REDIC1: variants seen among roughly 807,000 people sequenced by gnomAD.
The protein encoded by REDIC1 is regulator of DNA class I crossover intermediates 1.
chr12:39,864,117 CATTT>C, the REDIC1 span, among the ~76,000 whole-genome samples: 1 of 152,182 alleles, frequency 6.6e-6, no homozygotes, highest in South Asian at 2.1e-4. Flanking sequence ...CTCAAAGTTT[CATTT>C]ATGTGTTCTC....
chr12:39,824,988 T>A, the REDIC1 span, among the ~76,000 whole-genome samples: 3 of 152,092 alleles, frequency 2.0e-5, no homozygotes, highest in South Asian at 2.1e-4. Context: ...AGAATCTGTG[T>A]GGGAGAGTGG....
chr12:39,769,125 A>G, the REDIC1 span, among the ~76,000 whole-genome samples: 1 of 152,070 alleles, frequency 6.6e-6, no homozygotes, highest in East Asian at 1.9e-4. Flanking sequence ...ATTTTATCTC[A>G]GTTGGTTCCC....
chr12:39,782,601 G>T, the REDIC1 span, among the ~76,000 whole-genome samples: 1 of 152,070 alleles, frequency 6.6e-6, no homozygotes, highest in Non-Finnish European at 1.5e-5. Flanking sequence ...ACAGTAAATT[G>T]GTACAAGTAG....
chr12:39,688,413 G>C, the REDIC1 span, among the ~76,000 whole-genome samples: 908 of 152,256 alleles, frequency 6.0e-3, 8 homozygotes, highest in African/African-American at 0.021. Context: ...GATATACTAA[G>C]ATGTCAGAGT....
At chr12:39,628,257 G>A in the REDIC1 span, among the ~76,000 whole-genome samples, 1 of 152,154 alleles carries the variant, frequency 6.6e-6, no homozygotes, top group South Asian at 2.1e-4. Flanking sequence ...TTTATGTGGC[G>A]GGATAGGCTT....
At chr12:39,713,610 A>G in the REDIC1 span, among the ~76,000 whole-genome samples, 1 of 149,152 alleles carries the variant, frequency 6.7e-6, no homozygotes, top group Non-Finnish European at 1.5e-5. Context: ...ATATATACAT[A>G]TGTATATACG....
At chr12:39,792,277 A>G in the REDIC1 span, among the ~76,000 whole-genome samples, 2 of 147,868 alleles carry the variant, frequency 1.4e-5, no homozygotes, top group Non-Finnish European at 3.0e-5. Flanking sequence ...AAACCCTAGA[A>G]GAAAACCTAG....
chr12:39,711,466 T>TATGTGTATAC, the REDIC1 span, among the ~76,000 whole-genome samples: 1 of 143,900 alleles, frequency 6.9e-6, no homozygotes, highest in African/African-American at 2.5e-5. Flanking sequence ...CATATACACA[T>TATGTGTATAC]ACATATATGT....
the REDIC1 span, among the ~76,000 whole-genome samples, chr12:39,718,199 G>A: frequency 1.3e-5 from 2 of 151,954 alleles, no homozygotes; most frequent in Non-Finnish European, 2.9e-5. Context: ...CCATCGCATT[G>A]ACCATCCTTT....
the REDIC1 span, among the ~76,000 whole-genome samples, chr12:39,663,765 G>A: frequency 1.3e-5 from 2 of 149,590 alleles, no homozygotes; most frequent in Non-Finnish European, 3.0e-5. Flanking sequence ...ATACTTTCAT[G>A]CATTTTCGTT....
chr12:39,629,565 A>G, the REDIC1 span, among the ~76,000 whole-genome samples: 3 of 152,200 alleles, frequency 2.0e-5, no homozygotes, highest in Non-Finnish European at 2.9e-5. Flanking sequence ...CTGCTCTTCA[A>G]TTTAGGGACT....
chr12:39,896,207 T>C, the REDIC1 span, among the ~76,000 whole-genome samples: 2 of 148,688 alleles, frequency 1.3e-5, no homozygotes, highest in Admixed American at 6.7e-5. Flanking sequence ...TATGTATACA[T>C]GTATATACGT....
the REDIC1 span, among the ~76,000 whole-genome samples, chr12:39,852,370 T>G: frequency 1.1e-4 from 16 of 152,218 alleles, no homozygotes; most frequent in African/African-American, 3.1e-4. Flanking sequence ...CCACATGTAC[T>G]TTCTACAGTG....
At chr12:39,681,070 G>C in the REDIC1 span, among the ~76,000 whole-genome samples, 5 of 152,124 alleles carry the variant, frequency 3.3e-5, no homozygotes, top group Non-Finnish European at 5.9e-5. Flanking sequence ...TCAGGAGTTT[G>C]AGACCACCCT....
At chr12:39,744,248 AG>A in the REDIC1 span, among the ~76,000 whole-genome samples, 1 of 152,224 alleles carries the variant, frequency 6.6e-6, no homozygotes, top group Non-Finnish European at 1.5e-5. Flanking sequence ...TCAAAAGTAA[AG>A]GTGAAATAAA....
chr12:39,899,709 T>A, the REDIC1 span, among the ~76,000 whole-genome samples: 1 of 152,170 alleles, frequency 6.6e-6, no homozygotes, highest in Non-Finnish European at 1.5e-5. Context: ...TCAAAGAACA[T>A]CTTTATTTCT....
the REDIC1 span, among the ~76,000 whole-genome samples, chr12:39,664,660 C>T: frequency 2.0e-5 from 3 of 152,196 alleles, no homozygotes; most frequent in African/African-American, 7.2e-5. Context: ...CACCATCTTC[C>T]ACAATGGTTG....
chr12:39,719,240 C>G, the REDIC1 span, among the ~76,000 whole-genome samples: 1 of 152,032 alleles, frequency 6.6e-6, no homozygotes, highest in Non-Finnish European at 1.5e-5. Context: ...AAGAAAAGAG[C>G]AAATAATGCA....
the REDIC1 span, among the ~76,000 whole-genome samples, chr12:39,636,137 C>T: frequency 1.8e-3 from 277 of 151,600 alleles, no homozygotes; most frequent in African/African-American, 6.1e-3. Context: ...AAATATCTTC[C>T]ACTGTGTGAC....
Sources: gnomAD v4.1 joint callset for allele counts (sites outside exome capture counted in the v4.1 genomes callset) on GRCh38, gnomAD v4.1.1 for gene constraint, MANE v1.5 for transcripts, NCBI Gene and HGNC (gene_info 2026-07-23, HGNC 2026-07-21) for gene names.